SSH1: variants seen among roughly 807,000 people sequenced by gnomAD.
SSH1 encodes protein phosphatase Slingshot homolog 1.
In SSH1, 43 loss-of-function variants were observed where a neutral mutation model predicts 79.7. The observed-to-expected ratio is 0.54, with a 90% CI of 0.42 to 0.70. The LOEUF is 0.70. Ranked by LOEUF, SSH1 falls within the 30% of genes least tolerant of loss-of-function variation. The pLI is 0.00. For synonymous variants in SSH1, 599 were observed against 538.3 expected, an observed-to-expected ratio of 1.11 and a Z score of -1.56; for missense variants, 1,206 against 1,358.8, an observed-to-expected ratio of 0.89 and a Z score of 1.77.
At chr12:108,820,034 G>T (rs150705782) in intron 3 of SSH1, among the ~76,000 whole-genome samples, 256 of 151,250 alleles carry the variant, frequency 1.7e-3, no homozygotes, top group African/African-American at 5.8e-3. Flanking sequence ...CATGTTAAGC[G>T]TTCTTTCTTT....
chr12:108,842,685 A>G (rs1194011183), intron 2 of SSH1, among the ~76,000 whole-genome samples: 3 of 152,238 alleles, frequency 2.0e-5, no homozygotes, highest in Non-Finnish European at 1.5e-5. Context: ...TTCTTCTGAT[A>G]AACTCCATTC....
chr12:108,847,873 G>A (rs1593130944), intron 2 of SSH1, among the ~76,000 whole-genome samples: 1 of 152,334 alleles, frequency 6.6e-6, no homozygotes, highest in Admixed American at 6.5e-5. Flanking sequence ...GGCGGGTGTG[G>A]CACCTGTCAC....
chr12:108,820,353 C>T (rs910170320), intron 3 of SSH1, among the ~76,000 whole-genome samples: 2 of 152,160 alleles, frequency 1.3e-5, no homozygotes, highest in African/African-American at 4.8e-5. Context: ...CATAGACCTC[C>T]CCAGCCCCTT....
At position 108,856,116 on chromosome 12, in the gene SSH1, C is replaced by T. The variant is rs574762404; in HGVS notation, c.69+1312G>A. 1.2e-4 allele frequency among the ~76,000 whole-genome samples: 18 copies of T among 152,344 alleles called. No individual in the cohort carries two copies. In the South Asian group the frequency reaches 3.7e-3, roughly 32 times the overall value. Reference sequence around the variant, plus strand: ...CTGCGGAACTTCCTGGGCCTGGGACCGCAGGGCCGCTCCTCCAGTCTTCTC... The same window carrying T: ...CTGCGGAACTTCCTGGGCCTGGGACTGCAGGGCCGCTCCTCCAGTCTTCTC... On this transcript the variant is annotated intron_variant, in intron 1 of 14. Transcript: ENST00000326495.
rs142231237 is a variant in SSH1 at position 108,789,004 on chromosome 12, G to A, written c.2134C>T (p.Pro712Ser). 6.2e-7 allele frequency: 1 copy of A among 1,609,726 alleles called. No homozygotes were observed. Among genetic ancestry groups the A allele is most frequent in the African/African-American group, 1.3e-5 (1 of 74,608 alleles). The change falls in exon 15 of 15, where the codon CCC (proline) becomes TCC (serine). Residue 712 changes from proline to serine, a missense_variant. Physicochemically the swap from Pro to Ser is moderately conservative, Grantham distance 74. Around this residue, in one of 5 missense-constraint regions of SSH1, gnomAD observed 709 missense variants for 730.6 expected, o/e 0.97. Transcript: ENST00000326495. ...GAGCCTGCTGGTGGTAGGAACGGGG[G>A]AGGTTCGGTTGGGCCAGAGGCTGGC... Reference protein sequence around the residue: ...EKPASGPTEPPPFLPPAGSRR... With the variant: ...EKPASGPTEPSPFLPPAGSRR...
At chr12:108,792,243 G>A (rs2136979671) in intron 14 of SSH1, 43 bp downstream of exon 14, 4 of 1,614,102 alleles carry the variant, frequency 2.5e-6, no homozygotes, top group Non-Finnish European at 3.4e-6. Flanking sequence ...GAGTGGGATG[G>A]AAGGGATGGG....
chr12:108,812,862 TTC>T (rs1200496377), intron 5 of SSH1, among the ~76,000 whole-genome samples: 4 of 108,074 alleles, frequency 3.7e-5, no homozygotes, highest in African/African-American at 1.3e-4. Context: ...TATTTTTCTT[TTC>T]TTTTTTTTTT....
chr12:108,845,343 C>T (rs1350593626), intron 2 of SSH1, among the ~76,000 whole-genome samples: 4 of 152,166 alleles, frequency 2.6e-5, no homozygotes, highest in African/African-American at 7.2e-5. Context: ...CCAGCTATAC[C>T]GTGTCCAGAT....
chr12:108,790,159 T>TG (rs1309784316), intron 14 of SSH1, among the ~76,000 whole-genome samples: 1 of 151,480 alleles, frequency 6.6e-6, no homozygotes, highest in South Asian at 2.1e-4. Flanking sequence ...TCCAGTTTTT[T>TG]TTTTTTTTTA....
Position 108,791,325 on chromosome 12 carries a change from G to A in SSH1, c.1893+961C>T, listed in dbSNP as rs193185264. Among the ~76,000 whole-genome samples, 3 of 152,268 alleles carry A rather than the reference G, an allele frequency of 2.0e-5. No homozygotes were observed. The East Asian group carries it at 5.8e-4, about 29-fold the overall frequency. On this transcript the variant is annotated intron_variant, in intron 14 of 14. Coordinates refer to ENST00000326495, the MANE Select transcript of SSH1 (RefSeq NM_018984.4). ...GGGTTTCACCATGTTGGTCAGGATA[G>A]TTTCCATCTCCTGACCTCCTGATCT...
Position 108,780,241 on chromosome 12 carries a change from C to G in SSH1, c.*7747G>C, listed in dbSNP as rs1185843446. 5 of 152,142 alleles carry G rather than the reference C, an allele frequency of 3.3e-5. No homozygotes were observed. The highest frequency in any genetic ancestry group is 1.2e-4 in the African/African-American group (5 of 41,412). The allele number at this position is 152,142 out of a possible 1,614,324, so 9.4% of individuals were successfully genotyped here. A position where few individuals can be genotyped will look rare whatever the true frequency, so the allele number is the denominator to read the frequency against. On this transcript the variant is annotated 3_prime_UTR_variant, in exon 15 of 15. Coordinates refer to ENST00000326495, the MANE Select transcript of SSH1 (RefSeq NM_018984.4). ...CGAACATCTTGCCAAGAGGGGGTTC[C>G]CCAGGCATAAACACAAACAAGCATG...
Position 108,787,984 on chromosome 12 carries a change from C to CGGGTCAGCTTT in SSH1, c.3143_*3dup, listed in dbSNP as rs762683205. 1 of 1,614,072 alleles carries CGGGTCAGCTTT rather than the reference C, an allele frequency of 6.2e-7. No individual in the cohort carries two copies. Among genetic ancestry groups the CGGGTCAGCTTT allele is most frequent in the South Asian group, 1.1e-5 (1 of 91,076 alleles). Reference sequence around the variant, plus strand: ...CCGCCCAGCCTGACGCAGCAAAAGGCGGGTCAGCTTTTGCTCATCCACGAA... The same window carrying CGGGTCAGCTTT: ...CCGCCCAGCCTGACGCAGCAAAAGGCGGGTCAGCTTTGGGTCAGCTTTTGCTCATCCACGAA... On this transcript the variant is annotated 3_prime_UTR_variant, in exon 15 of 15. Coordinates refer to ENST00000326495, the MANE Select transcript of SSH1 (RefSeq NM_018984.4).
At chr12:108,796,168 G>A (rs576698666) in intron 13 of SSH1, among the ~76,000 whole-genome samples, 7 of 152,154 alleles carry the variant, frequency 4.6e-5, no homozygotes, top group African/African-American at 1.2e-4. Flanking sequence ...CACCTGCCTC[G>A]GCCTCTTAAA....
At chr12:108,840,958 C>T (rs1243724591) in intron 2 of SSH1, among the ~76,000 whole-genome samples, 1 of 152,174 alleles carries the variant, frequency 6.6e-6, no homozygotes, top group Non-Finnish European at 1.5e-5. Flanking sequence ...GAATAAAACT[C>T]GTGATAGTCA....
intron 2 of SSH1, among the ~76,000 whole-genome samples, chr12:108,828,805 C>T (rs1221743946): frequency 6.6e-6 from 1 of 152,180 alleles, no homozygotes; most frequent in Non-Finnish European, 1.5e-5. Context: ...CAAGAAGTCG[C>T]TTTCAAGGTA....
chr12:108,855,069 A>C (rs2039117710), intron 1 of SSH1, among the ~76,000 whole-genome samples: 1 of 152,336 alleles, frequency 6.6e-6, no homozygotes, highest in East Asian at 1.9e-4. Context: ...AATGCTTTAT[A>C]TAATAATTGA....
chr12:108,816,605 G>A (rs2037898677), intron 5 of SSH1, among the ~76,000 whole-genome samples: 1 of 152,142 alleles, frequency 6.6e-6, no homozygotes, highest in Non-Finnish European at 1.5e-5. Flanking sequence ...GTGGGGTGAG[G>A]TGTCTGAGGC....
Position 108,778,411 on chromosome 12 carries a change from A to G in SSH1, c.*9577T>C, listed in dbSNP as rs1045889351. 6.6e-6 allele frequency: 1 copy of G among 152,200 alleles called. No individual in the cohort carries two copies. The highest frequency in any genetic ancestry group is 1.5e-5 in the Non-Finnish European group (1 of 68,056). 9.4% of individuals were successfully genotyped at this position (152,200 alleles called of 1,614,324 possible). ...GAGAAGATGGTGGGGTAGAAATTGCATGAATTTGGAGTCAGGCACTCCCAG... is the reference window on the plus strand; with the variant it reads ...GAGAAGATGGTGGGGTAGAAATTGCGTGAATTTGGAGTCAGGCACTCCCAG... On this transcript the variant is annotated 3_prime_UTR_variant, in exon 15 of 15. Coordinates refer to ENST00000326495, the MANE Select transcript of SSH1 (RefSeq NM_018984.4).
rs1435930486 is a variant in SSH1 at position 108,800,923 on chromosome 12, A to G, written c.1005T>C (p.Val335=). ...SNLEELQGSG[V]DYILNVTREI... ...CTCTGGTAACATTTAAAATGTAATC[A>G]ACCCTGCAATGAGAAAAAAATAAGA... The change falls in exon 12 of 15, where the codon GTT becomes GTC. Residue 335 remains valine, a synonymous_variant. Coordinates refer to ENST00000326495, the MANE Select transcript of SSH1 (RefSeq NM_018984.4). 7 of 1,613,396 alleles carry G rather than the reference A, an allele frequency of 4.3e-6. 1 individual carries two copies. The South Asian group carries it at 7.7e-5, about 18-fold the overall frequency.
Sources: allele counts gnomAD v4.1 joint callset (sites outside exome capture counted in the v4.1 genomes callset), GRCh38; gene constraint gnomAD v4.1.1; regional missense constraint gnomAD v4.1.1; transcripts MANE v1.5; gene names NCBI Gene and HGNC (gene_info 2026-07-23, HGNC 2026-07-21).